Variants in IL1R1 observed in about 807,000 individuals in gnomAD.
IL1R1 encodes the protein interleukin 1 receptor type 1.
IL1R1 carries 22 observed loss-of-function variants against 50.2 expected under a neutral mutation model. That is an observed-to-expected ratio of 0.44 (90% CI 0.31 to 0.63). The LOEUF (loss-of-function observed/expected upper bound fraction) is 0.63. Ranked by LOEUF, IL1R1 falls within the 20% of genes least tolerant of loss-of-function variation. The pLI, the probability that IL1R1 is intolerant of heterozygous loss-of-function variation, is 0.07. For synonymous variants in IL1R1, 251 were observed against 236.7 expected (o/e 1.06, Z -0.55); for missense variants, 509 against 676.2 (o/e 0.75, Z 2.74).
At chr2:102,094,305 C>A (rs1679806312) in intron 1 of IL1R1, among the ~76,000 whole-genome samples, 1 of 152,108 alleles carries the variant, frequency 6.6e-6, no homozygotes. Context: ...TGATTAATAC[C>A]AATTGAAGCA....
At position 102,179,784 on chromosome 2, in the gene IL1R1, A is replaced by G. The variant is rs1019588722; in HGVS notation, c.*3025A>G. 4.6e-5 allele frequency: 7 copies of G among 152,748 alleles called. No homozygotes were observed. The highest frequency in any genetic ancestry group is 1.2e-4 in the African/African-American group (5 of 41,430). 9.5% of individuals were successfully genotyped at this position (152,748 alleles called of 1,614,324 possible). A position where few individuals can be genotyped will look rare whatever the true frequency, so the allele number is the denominator to read the frequency against. On this transcript the variant is annotated 3_prime_UTR_variant, in exon 12 of 12. Transcript: ENST00000410023. ...TTGCAGCAGAAGCCAAATTTTTTGTATATTAAAGCACCAAATTCATGTACA... is the reference window on the plus strand; with the variant it reads ...TTGCAGCAGAAGCCAAATTTTTTGTGTATTAAAGCACCAAATTCATGTACA...
In IL1R1 at chr2:102,116,680, T is replaced by G. The variant is rs556144457; in HGVS notation, c.-84+11808T>G. Among the ~76,000 whole-genome samples the G allele has an allele frequency of 3.3e-5, 5 of 152,340 alleles. No individual in the cohort carries two copies. In the South Asian group the frequency reaches 1.0e-3, roughly 32 times the overall value. On this transcript the variant is annotated intron_variant, in intron 1 of 10. Transcript: ENST00000409329. ...GTGGTTTGTACTGTGTTAGCAATGT[T>G]AGAGGATACAAACAACCATAACAAC...
In IL1R1 at chr2:102,175,755, T is replaced by C. The variant is rs527921578; in HGVS notation, c.1303+110T>C. On this transcript the variant is annotated intron_variant, in intron 11 of 11. Coordinates refer to ENST00000410023, the MANE Select transcript of IL1R1 (RefSeq NM_000877.4). ...GGCATAGGGGTATATGTTTCACAAT[T>C]TTAAGAACCTCTTCAGAAGTGTATG... 7.5e-6 allele frequency: 7 copies of C among 931,660 alleles called. No homozygotes were observed. In the South Asian group the frequency reaches 9.3e-5, roughly 12 times the overall value. The allele number at this position is 931,660 out of a possible 1,614,324, so 57.7% of individuals were successfully genotyped here.
intron 1 of IL1R1, among the ~76,000 whole-genome samples, chr2:102,092,643 C>T (rs1679723463): frequency 6.6e-6 from 1 of 152,060 alleles, no homozygotes; most frequent in African/African-American, 2.4e-5. Context: ...TTTTGCACGC[C>T]TCATATAAAC....
Position 102,119,637 on chromosome 2 carries a change from T to C in IL1R1, c.-84+14765T>C, listed in dbSNP as rs542910456. Among the ~76,000 whole-genome samples the C allele has an allele frequency of 2.0e-5, 3 of 152,356 alleles. No individual in the cohort carries two copies. In the South Asian group the frequency reaches 6.2e-4, roughly 32 times the overall value. ...TTGGTTCCATAGGTAGATTTTCTTT[T>C]ATTATCTTAGTTTTCAGCTTTATTG... On this transcript the variant is annotated intron_variant, in intron 1 of 10. Transcript: ENST00000409329.
chr2:102,143,316 C>T (rs1682838254), intron 1 of IL1R1, among the ~76,000 whole-genome samples: 1 of 152,104 alleles, frequency 6.6e-6, no homozygotes, highest in African/African-American at 2.4e-5. Context: ...GTTTTCTATC[C>T]GGCTACGTTC....
intron 3 of IL1R1, 78 bp from the exon 4 acceptor site, chr2:102,164,696 T>C (rs1469998958): frequency 2.1e-5 from 18 of 843,590 alleles, no homozygotes; most frequent in Admixed American, 1.2e-4. Context: ...ATAATCAATG[T>C]GTTTCTTCGT....
At chr2:102,151,036 T>C (rs1442316290) in intron 1 of IL1R1, among the ~76,000 whole-genome samples, 1 of 152,232 alleles carries the variant, frequency 6.6e-6, no homozygotes, top group Non-Finnish European at 1.5e-5. Flanking sequence ...TAAAGGTACG[T>C]TTTGAATCTT....
intron 1 of IL1R1, among the ~76,000 whole-genome samples, chr2:102,096,985 C>T (rs1195448484): frequency 1.3e-5 from 2 of 151,884 alleles, no homozygotes; most frequent in Non-Finnish European, 2.9e-5. Flanking sequence ...TGCATTGCCA[C>T]CTCTGTCATG....
At chr2:102,175,979 A>G in intron 11 of IL1R1, 1 of 477,876 alleles carries the variant, frequency 2.1e-6, no homozygotes, top group Non-Finnish European at 3.7e-6. Flanking sequence ...AAGTTTTCTG[A>G]GTTCTAAATG....
chr2:102,109,137 G>T (rs1428486029), intron 1 of IL1R1, among the ~76,000 whole-genome samples: 1 of 152,076 alleles, frequency 6.6e-6, no homozygotes, highest in African/African-American at 2.4e-5. Context: ...AGTAGTTATT[G>T]CAGAGCTGGA....
At chr2:102,137,045 T>A (rs6713283) in intron 1 of IL1R1, among the ~76,000 whole-genome samples, 3,985 of 152,320 alleles carry the variant, frequency 0.026, 191 homozygotes, top group African/African-American at 0.089. Flanking sequence ...AAACTAAACC[T>A]ATTTGACCAT....
intron 1 of IL1R1, among the ~76,000 whole-genome samples, chr2:102,091,352 A>G (rs1679658913): frequency 6.6e-6 from 1 of 152,206 alleles, no homozygotes; most frequent in South Asian, 2.1e-4. Context: ...AGTAGTTTCT[A>G]AAATACATTC....
intron 2 of IL1R1, 89 bp from the exon 3 acceptor site, chr2:102,157,630 G>A (rs1684315987): frequency 1.3e-6 from 1 of 784,542 alleles, no homozygotes; most frequent in Non-Finnish European, 2.2e-6. Context: ...GGTGGGGACA[G>A]GGCCGGTGTT....
intron 1 of IL1R1, among the ~76,000 whole-genome samples, chr2:102,148,751 G>A (rs1000261322): frequency 1.3e-5 from 2 of 152,216 alleles, no homozygotes; most frequent in African/African-American, 4.8e-5. Context: ...TTCCATAAGT[G>A]TGTGGTTCTA....
At chr2:102,172,895 C>G in intron 9 of IL1R1, 57 bp downstream of exon 9, 1 of 1,296,300 alleles carries the variant, frequency 7.7e-7, no homozygotes. Flanking sequence ...GATTCCATGA[C>G]TTTGAAGTTT....
chr2:102,138,230 G>A (rs567063764), upstream of IL1R1, among the ~76,000 whole-genome samples: 12 of 152,286 alleles, frequency 7.9e-5, no homozygotes, highest in African/African-American at 2.9e-4. Flanking sequence ...GGTTCTGTTA[G>A]GTGTAACAGT....
At chr2:102,139,426 G>T (rs1379197598), upstream of IL1R1, among the ~76,000 whole-genome samples, 1 of 152,260 alleles carries the variant, frequency 6.6e-6, no homozygotes, top group Non-Finnish European at 1.5e-5. Context: ...CCAGAACTAG[G>T]CTGGGAAGCC....
chr2:102,133,193 C>T (rs1264455268), intron 1 of IL1R1, among the ~76,000 whole-genome samples: 1 of 138,044 alleles, frequency 7.2e-6, no homozygotes, highest in Non-Finnish European at 1.5e-5. Flanking sequence ...GCAGTGAGCC[C>T]ATATCGTGCC....
Sources: allele counts gnomAD v4.1 joint callset (sites outside exome capture counted in the v4.1 genomes callset), GRCh38; gene constraint gnomAD v4.1.1; transcripts MANE v1.5; gene names NCBI Gene and HGNC (gene_info 2026-07-23, HGNC 2026-07-21).